Variants in GLB1L3 observed in about 807,000 individuals in gnomAD.
The protein encoded by GLB1L3 is beta-galactosidase-1-like protein 3.
A neutral mutation model predicts 89.5 loss-of-function variants in GLB1L3; 89 were observed. The observed-to-expected ratio is 0.99, with a 90% confidence interval of 0.84 to 1.19. GLB1L3 has a LOEUF of 1.19. GLB1L3 is among the 50% of genes most tolerant of loss of function. GLB1L3 has a pLI of 0.00. For missense variants in GLB1L3, 812 were observed against 813.3 expected (o/e 1.00, Z 0.02); for synonymous variants, 314 against 312.3 (o/e 1.01, Z -0.06).
Position 134,276,654 on chromosome 11 carries a change from G to A in GLB1L3, c.-87G>A. ...CCTGAGCCTGCCCCGCGGAACCGGGGCTCGAGTCCCGGCCCGAGCGCGGCG... is the reference window on the plus strand; with the variant it reads ...CCTGAGCCTGCCCCGCGGAACCGGGACTCGAGTCCCGGCCCGAGCGCGGCG... On this transcript the variant is annotated 5_prime_UTR_variant, in exon 1 of 20. Coordinates refer to ENST00000431683, the MANE Select transcript of GLB1L3 (RefSeq NM_001080407.3). The A allele has an allele frequency of 8.2e-7, 1 of 1,226,860 alleles. No homozygotes were observed. The highest frequency in any genetic ancestry group is 1.1e-6 in the Non-Finnish European group (1 of 950,402). 76.0% of individuals were successfully genotyped at this position (1,226,860 alleles called of 1,614,324 possible).
intron 9 of GLB1L3, among the ~76,000 whole-genome samples, chr11:134,299,824 C>A (rs187556052): frequency 1.3e-5 from 2 of 152,286 alleles, no homozygotes; most frequent in East Asian, 3.9e-4. Flanking sequence ...CCCAGCTCTT[C>A]TTCTAGCGGC....
intron 7 of GLB1L3, among the ~76,000 whole-genome samples, chr11:134,289,605 C>G (rs1454292340): frequency 6.6e-6 from 1 of 152,214 alleles, no homozygotes; most frequent in Non-Finnish European, 1.5e-5. Flanking sequence ...CTTCCTGTCT[C>G]TATGACCCAC....
At position 134,292,133 on chromosome 11, in the gene GLB1L3, C is replaced by T; in HGVS notation, c.731C>T (p.Ala244Val). The T allele has an allele frequency of 6.2e-7, 1 of 1,611,934 alleles. No individual in the cohort carries two copies. Among genetic ancestry groups the T allele is most frequent in the Non-Finnish European group, 8.5e-7 (1 of 1,178,252 alleles). Residue 244 changes from alanine to valine, a missense_variant and splice_region_variant, in exon 8 of 20, where the codon GCC becomes GTC. Physicochemically the swap from Ala to Val is moderately conservative, Grantham distance 64. Coordinates refer to ENST00000431683, the MANE Select transcript of GLB1L3 (RefSeq NM_001080407.3). Reference sequence around the variant, plus strand: ...CATTTTGGTTAATTTTCTCAACAGGCCCTGCTGAGAAGAGGGATTGTGGAG... The same window carrying T: ...CATTTTGGTTAATTTTCTCAACAGGTCCTGCTGAGAAGAGGGATTGTGGAG... ...DKTYMPYLHK[A>V]LLRRGIVELL...
At chr11:134,308,371 C>CCACCATCACCAT (rs1942415304) in intron 10 of GLB1L3, among the ~76,000 whole-genome samples, 1 of 68,436 alleles carries the variant, frequency 1.5e-5, no homozygotes, top group South Asian at 5.3e-4. Flanking sequence ...ACCACCACCA[C>CCACCATCACCAT]CACCACCATC....
chr11:134,286,726 A>G (rs940587952), intron 6 of GLB1L3, among the ~76,000 whole-genome samples: 5 of 151,568 alleles, frequency 3.3e-5, no homozygotes, highest in Non-Finnish European at 7.4e-5. Flanking sequence ...GCAGGGAGCC[A>G]AGATGGCGCC....
At chr11:134,306,079 C>T (rs191652012) in intron 9 of GLB1L3, among the ~76,000 whole-genome samples, 138 of 152,174 alleles carry the variant, frequency 9.1e-4, no homozygotes, top group African/African-American at 3.1e-3. Context: ...ACTGAAGTAT[C>T]TATATGTCCA....
rs1166329336 is a variant in GLB1L3, at chr11:134,288,878, G to T, written c.717G>T (p.Pro239=). 6.2e-7 allele frequency: 1 copy of T among 1,610,600 alleles called. No individual in the cohort carries two copies. Among genetic ancestry groups the T allele is most frequent in the Admixed American group, 1.7e-5 (1 of 59,760 alleles). The change falls in exon 7 of 20, where the codon CCG becomes CCT. Residue 239 remains proline (P), a synonymous_variant. Transcript: ENST00000431683. ...GSFNKDKTYM[P]YLHKALLRRG... is the part of the protein sequence containing the mutation. ...TCAATAAGGATAAAACATACATGCC[G>T]TATCTCCACAAGGTAAGAGGGCCTT... is the stretch of plus-strand genomic sequence containing the variant.
Position 134,311,112 on chromosome 11 carries a change from C to A in GLB1L3, c.1229C>A (p.Pro410His), listed in dbSNP as rs777482420. The A allele has an allele frequency of 5.6e-6, 9 of 1,613,876 alleles. No individual in the cohort carries two copies. Among genetic ancestry groups the A allele is most frequent in the South Asian group, 5.5e-5 (5 of 91,060 alleles). ...VPKLPPKAVY[P>H]PVRPSLYLPL... Reference sequence around the variant, plus strand: ...AAACTTCCTCCCAAGGCTGTGTATCCCCCCGTGAGACCGTCGCTGTACCTC... The same window carrying A: ...AAACTTCCTCCCAAGGCTGTGTATCACCCCGTGAGACCGTCGCTGTACCTC... Residue 410 changes from proline to histidine, a missense_variant, in exon 13 of 20, where the codon CCC becomes CAC. This residue lies in a region of GLB1L3 where 618 missense variants were observed against 604.0 expected (regional missense o/e 1.02). Transcript: ENST00000431683.
intron 1 of GLB1L3, 89 bp from the exon 2 acceptor site, chr11:134,277,237 C>T (rs1447796190): frequency 5.7e-6 from 9 of 1,580,156 alleles, no homozygotes; most frequent in Non-Finnish European, 6.9e-6. Context: ...GCTCTGGCCT[C>T]TAAAGCGCCC....
At chr11:134,293,232 G>T in intron 9 of GLB1L3, 23 bp downstream of exon 9, 3 of 1,591,590 alleles carry the variant, frequency 1.9e-6, no homozygotes, top group Non-Finnish European at 2.6e-6. Flanking sequence ...AGACAGGCAG[G>T]GTTTTACAGC....
Position 134,311,167 on chromosome 11 carries a change from T to TG in GLB1L3, c.1285dup (p.Glu429GlyfsTer30), listed in dbSNP as rs747317554. The TG allele has an allele frequency of 1.2e-6, 2 of 1,611,460 alleles. No homozygotes were observed. The highest frequency in any genetic ancestry group is 3.3e-5 in the Admixed American group (2 of 60,012). On this transcript the variant is annotated frameshift_variant, in exon 13 of 20. Coordinates refer to ENST00000431683, the MANE Select transcript of GLB1L3 (RefSeq NM_001080407.3). LOFTEE classifies it high-confidence loss of function. ...TGTGGGACGCCCTATCCTACTTAAA[T>TG]GAGGTGCGTGCTGCCTGGCCACAGG... is the stretch of plus-strand genomic sequence containing the variant.
At chr11:134,314,538 TTTC>T in intron 18 of GLB1L3, 97 bp downstream of exon 18, 1 of 763,676 alleles carries the variant, frequency 1.3e-6, no homozygotes. Context: ...AATACTTCCC[TTTC>T]TTCTTTTCCT....
At chr11:134,278,545 C>T (rs1230149662) in intron 3 of GLB1L3, among the ~76,000 whole-genome samples, 2 of 152,148 alleles carry the variant, frequency 1.3e-5, no homozygotes, top group Non-Finnish European at 2.9e-5. Flanking sequence ...TAAAAGGGAA[C>T]ACCACGGTCG....
chr11:134,301,635 C>T (rs959823011), intron 9 of GLB1L3, among the ~76,000 whole-genome samples: 4 of 151,854 alleles, frequency 2.6e-5, no homozygotes, highest in Admixed American at 1.3e-4. Context: ...GTTTATATTT[C>T]CTTTATTTAT....
At chr11:134,297,876 A>AAAAGAAAG (rs71038575) in intron 9 of GLB1L3, among the ~76,000 whole-genome samples, 44 of 110,854 alleles carry the variant, frequency 4.0e-4, no homozygotes, top group African/African-American at 1.2e-3. Flanking sequence ...AAAAAAAAAA[A>AAAAGAAAG]AAAGAAAGAA....
rs1417572833 is a variant in GLB1L3, at chr11:134,301,892, T to C, written c.877-5232T>C. ...AATTTTCAGACATACGGAGTTTTTC[T>C]ATTTTTTTCCTTTATTTCGCTGGTC... is the stretch of plus-strand genomic sequence containing the variant. On this transcript the variant is annotated intron_variant, in intron 9 of 19. Transcript: ENST00000431683. 3.3e-5 allele frequency among the ~76,000 whole-genome samples: 5 copies of C among 152,356 alleles called. No individual in the cohort carries two copies. In the East Asian group the frequency reaches 9.6e-4, roughly 29 times the overall value.
At chr11:134,288,722 C>A in intron 6 of GLB1L3, 76 bp from the exon 7 acceptor site, 1 of 1,031,800 alleles carries the variant, frequency 9.7e-7, no homozygotes, top group Non-Finnish European at 1.4e-6. Flanking sequence ...GTGCAGCCTT[C>A]GGCAGCAAGC....
At chr11:134,314,152 C>G in intron 17 of GLB1L3, 124 bp downstream of exon 17, 1 of 782,694 alleles carries the variant, frequency 1.3e-6, no homozygotes, top group Non-Finnish European at 2.2e-6. Context: ...CTGTTGGGTA[C>G]TTCGGCGTCA....
chr11:134,296,862 T>TAAAA (rs891355190), intron 9 of GLB1L3, among the ~76,000 whole-genome samples: 3 of 131,762 alleles, frequency 2.3e-5, no homozygotes, highest in African/African-American at 8.1e-5. Context: ...ATAATAATAA[T>TAAAA]AAAAACAAAC....
Sources: gnomAD v4.1 joint callset for allele counts (sites outside exome capture counted in the v4.1 genomes callset) on GRCh38, gnomAD v4.1.1 for gene constraint, gnomAD v4.1.1 regional missense constraint, MANE v1.5 for transcripts, NCBI Gene and HGNC (gene_info 2026-07-23, HGNC 2026-07-21) for gene names.